SUN1: variants seen among roughly 807,000 people sequenced by gnomAD.
SUN1 encodes the protein Sad1 and UNC84 domain containing 1, also known as SUN domain-containing protein 1.
SUN1 carries 61 observed loss-of-function variants against 103.2 expected under a neutral mutation model. That is an observed-to-expected ratio of 0.59 (90% CI 0.48 to 0.73). SUN1 has a LOEUF of 0.73. Among genes scored for constraint, SUN1 ranks in the 30% least tolerant of loss-of-function variants. The probability of loss-of-function intolerance (pLI) is 0.00; values close to 1 mark genes in which losing one functional copy is unlikely to be tolerated. For synonymous variants in SUN1, 490 were observed against 425.7 expected (o/e 1.15, Z -1.86); for missense variants, 1,052 against 1,034.6 (o/e 1.02, Z -0.23).
In SUN1 at chr7:869,141, T is replaced by C. The variant is rs148831071; in HGVS notation, c.1981-208T>C. The C allele has an allele frequency of 5.0e-5, 30 of 604,366 alleles. 1 individual carries two copies. In the East Asian group the frequency reaches 8.4e-4, roughly 17 times the overall value. The allele number at this position is 604,366 out of a possible 1,614,324, so 37.4% of individuals were successfully genotyped here. Reference sequence around the variant, plus strand: ...TCTTTAAGGTTCTGGTCGTTTTAACTTTTATACAACATATGGGTTGGAGAT... The same window carrying C: ...TCTTTAAGGTTCTGGTCGTTTTAACCTTTATACAACATATGGGTTGGAGAT... On this transcript the variant is annotated intron_variant, in intron 16 of 18. Transcript: ENST00000401592.
chr7:864,411 G>A (rs191597043), intron 15 of SUN1, among the ~76,000 whole-genome samples: 17 of 151,902 alleles, frequency 1.1e-4, no homozygotes, highest in African/African-American at 3.1e-4. Flanking sequence ...AAAATTATCC[G>A]GGTGTGGTGG....
intron 1 of SUN1, chr7:832,874 A>T: frequency 2.3e-6 from 1 of 442,222 alleles, no homozygotes; most frequent in South Asian, 3.4e-5. Flanking sequence ...GATGTTGAGA[A>T]GATGTCTCTG....
In SUN1 at chr7:852,143, T is replaced by C. The variant is rs577105868; in HGVS notation, c.851+100T>C. The stretch of plus-strand genomic sequence containing the variant: ...TTTGTTATTTTGTAAGGATTTAGCT[T>C]ATATTTACATAGTGTTTGTATATTT... On this transcript the variant is annotated intron_variant, in intron 7 of 18. Coordinates refer to ENST00000401592, the MANE Select transcript of SUN1 (RefSeq NM_001130965.3). 8.5e-5 allele frequency: 90 copies of C among 1,055,376 alleles called. No homozygotes were observed. The African/African-American group carries it at 1.3e-3, about 15-fold the overall frequency. 65.4% of individuals were successfully genotyped at this position (1,055,376 alleles called of 1,614,324 possible).
intron 15 of SUN1, among the ~76,000 whole-genome samples, chr7:865,745 A>G (rs1835977290): frequency 6.6e-6 from 1 of 152,168 alleles, no homozygotes; most frequent in African/African-American, 2.4e-5. Flanking sequence ...CCTCGCCAGC[A>G]TTTGTTACTG....
intron 1 of SUN1, among the ~76,000 whole-genome samples, chr7:837,318 C>G (rs935254681): frequency 5.9e-5 from 9 of 152,296 alleles, no homozygotes; most frequent in African/African-American, 1.9e-4. Context: ...GTCTCAGACA[C>G]GTGGACTGTG....
chr7:840,417 C>G (rs149571572), intron 2 of SUN1, among the ~76,000 whole-genome samples: 4 of 152,198 alleles, frequency 2.6e-5, no homozygotes, highest in African/African-American at 9.7e-5. Context: ...TGCCACGCCG[C>G]GCTCTGCCGC....
At position 849,411 on chromosome 7, in the gene SUN1, A is replaced by G; in HGVS notation, c.659-1973A>G. 5.0e-6 allele frequency: 4 copies of G among 795,496 alleles called. 1 individual carries two copies. Among genetic ancestry groups the G allele is most frequent in the Non-Finnish European group, 7.5e-6 (4 of 535,468 alleles). The allele number at this position is 795,496 out of a possible 1,614,324, so 49.3% of individuals were successfully genotyped here. Reference sequence around the variant, plus strand: ...GCCATCGGCTGTGGGAACTCTGTGGAAGTGGCTAGCCTTGCACATCCTCTG... The same window carrying G: ...GCCATCGGCTGTGGGAACTCTGTGGGAGTGGCTAGCCTTGCACATCCTCTG... On this transcript the variant is annotated intron_variant, in intron 5 of 18. Coordinates refer to ENST00000401592, the MANE Select transcript of SUN1 (RefSeq NM_001130965.3).
intron 5 of SUN1, chr7:843,886 C>T (rs1273848174): frequency 1.6e-6 from 2 of 1,275,322 alleles, no homozygotes; most frequent in African/African-American, 1.5e-5. Context: ...GGACGCTGCT[C>T]TGGTCTGTCC....
chr7:863,434 GACA>G (rs922661379), intron 15 of SUN1, among the ~76,000 whole-genome samples: 1 of 152,190 alleles, frequency 6.6e-6, no homozygotes, highest in East Asian at 1.9e-4. Context: ...GTCCTGCTTT[GACA>G]ACAACATTCT....
rs1453042961 is a variant in SUN1, at chr7:818,855, C to T, written c.-74+2182C>T. Among the ~76,000 whole-genome samples the T allele has an allele frequency of 5.0e-5, 7 of 139,936 alleles. No individual in the cohort carries two copies. In the East Asian group the frequency reaches 1.2e-3, roughly 25 times the overall value. The allele number at this position is 139,936 out of a possible 152,430, so 91.8% of individuals were successfully genotyped here. On this transcript the variant is annotated intron_variant, in intron 1 of 17. Coordinates refer to the SUN1 transcript ENST00000389574. ...AGAAATTCTCATTCAGGTCCTTCCCCGCTCCCCTCCCCCCCTTTTTTTTTT... is the reference window on the plus strand; with the variant it reads ...AGAAATTCTCATTCAGGTCCTTCCCTGCTCCCCTCCCCCCCTTTTTTTTTT...
At chr7:828,364 T>C (rs182060577), upstream of SUN1, among the ~76,000 whole-genome samples, 361 of 151,574 alleles carry the variant, frequency 2.4e-3, 3 homozygotes, top group African/African-American at 8.2e-3. Context: ...CTCCATCTCC[T>C]GGGTTCAATC....
upstream of SUN1, among the ~76,000 whole-genome samples, chr7:815,620 G>A (rs1780134063): frequency 6.6e-6 from 1 of 151,962 alleles, no homozygotes; most frequent in Non-Finnish European, 1.5e-5. Context: ...ATGATTGTAT[G>A]TAAATTACAC....
At chr7:867,307 G>A (rs904941002) in intron 16 of SUN1, among the ~76,000 whole-genome samples, 8 of 152,260 alleles carry the variant, frequency 5.3e-5, no homozygotes, top group African/African-American at 1.2e-4. Flanking sequence ...CTTGGCATGC[G>A]GCTGCTTTTT....
chr7:822,213 C>G (rs1786825150), intron 1 of SUN1, among the ~76,000 whole-genome samples: 2 of 152,192 alleles, frequency 1.3e-5, no homozygotes, highest in African/African-American at 4.8e-5. Context: ...ATTGTTGCTA[C>G]TTTATTAAGC....
intron 10 of SUN1, 29 bp from the exon 11 acceptor site, chr7:854,888 CCAT>C (rs1825715968): frequency 6.5e-7 from 1 of 1,540,252 alleles, no homozygotes; most frequent in Non-Finnish European, 8.9e-7. Context: ...TTAACTTTCT[CCAT>C]CATTTGTTCA....
At chr7:817,364 G>T in intron 1 of SUN1, 1 of 1,502,166 alleles carries the variant, frequency 6.7e-7, no homozygotes, top group Non-Finnish European at 8.9e-7. Flanking sequence ...GCGCGCGCGT[G>T]GTCTCCGCGC....
At position 865,951 on chromosome 7, in the gene SUN1, G is replaced by A. The variant is rs771942313; in HGVS notation, c.1865-1G>A. The A allele has an allele frequency of 6.2e-7, 1 of 1,614,004 alleles. No homozygotes were observed. The highest frequency in any genetic ancestry group is 1.1e-5 in the South Asian group (1 of 91,056). ...GAGACCGATCTGAACTTTGCTTTAA[G>A]GTGGCAGCATCTTGAGTACTCGCTG... On this transcript the variant is annotated splice_acceptor_variant, in intron 15 of 18. Transcript: ENST00000401592. LOFTEE classifies it high-confidence loss of function.
upstream of SUN1, chr7:832,467 C>A: frequency 1.3e-6 from 2 of 1,546,370 alleles, no homozygotes; most frequent in South Asian, 1.2e-5. Flanking sequence ...ATTTCCTGCC[C>A]GTTAAAACAC....
chr7:818,154 C>G (rs1432849528), intron 1 of SUN1, among the ~76,000 whole-genome samples: 4 of 152,160 alleles, frequency 2.6e-5, no homozygotes, highest in African/African-American at 9.7e-5. Flanking sequence ...TTCATCATCC[C>G]AGATGGAAAC....
Sources: allele counts gnomAD v4.1 joint callset (sites outside exome capture counted in the v4.1 genomes callset), GRCh38; gene constraint gnomAD v4.1.1; transcripts MANE v1.5; gene names NCBI Gene and HGNC (gene_info 2026-07-23, HGNC 2026-07-21).